Variants in KALRN observed in about 807,000 individuals in gnomAD.
KALRN encodes the protein kalirin.
A neutral mutation model predicts 353.7 loss-of-function variants in KALRN; 70 were observed. The observed-to-expected ratio is 0.20, with a 90% CI of 0.16 to 0.24. The LOEUF is 0.24. KALRN is among the 10% of genes least tolerant of loss of function. KALRN has a pLI of 1.00. For synonymous variants in KALRN, 1,391 were observed against 1,434.8 expected (o/e 0.97, Z 0.69); for missense variants, 2,791 against 3,756.7 (o/e 0.74, Z 6.72).
At chr3:124,258,149 C>T (rs904118567) in intron 3 of KALRN, among the ~76,000 whole-genome samples, 3 of 152,230 alleles carry the variant, frequency 2.0e-5, no homozygotes, top group African/African-American at 7.2e-5. Context: ...CAGACTCTGG[C>T]CACTGCTGGG....
chr3:124,058,688 G>A (rs2041761250), intron 1 of KALRN, among the ~76,000 whole-genome samples: 1 of 152,110 alleles, frequency 6.6e-6, no homozygotes, highest in South Asian at 2.1e-4. Context: ...TTTCTTACTA[G>A]AATTGATCCA....
At chr3:124,224,553 G>A (rs867394589) in intron 1 of KALRN, among the ~76,000 whole-genome samples, 1 of 152,082 alleles carries the variant, frequency 6.6e-6, no homozygotes, top group Non-Finnish European at 1.5e-5. Flanking sequence ...AATAACAATG[G>A]CAATGGAAGC....
intron 5 of KALRN, among the ~76,000 whole-genome samples, chr3:124,278,504 C>T (rs2075014010): frequency 7.0e-6 from 1 of 142,636 alleles, no homozygotes; most frequent in African/African-American, 2.6e-5. Context: ...AGGGCAGTAA[C>T]TGAGAAAAGT....
At chr3:124,680,067 G>T (rs17307881) in intron 51 of KALRN, among the ~76,000 whole-genome samples, 7,325 of 152,334 alleles carry the variant, frequency 0.048, 266 homozygotes, top group Non-Finnish European at 0.071. Context: ...AGCAAATAAG[G>T]TGTAATTGTA....
At chr3:124,605,584 AAAAG>A (rs2077256874) in intron 34 of KALRN, among the ~76,000 whole-genome samples, 1 of 132,156 alleles carries the variant, frequency 7.6e-6, no homozygotes. Context: ...AAAAAAAAAA[AAAAG>A]AGAGAGAGAG....
At chr3:124,414,732 C>G (rs2092398592) in intron 14 of KALRN, among the ~76,000 whole-genome samples, 1 of 152,132 alleles carries the variant, frequency 6.6e-6, no homozygotes, top group African/African-American at 2.4e-5. Context: ...TGCTAGAGCC[C>G]AGATCTCTAC....
intron 1 of KALRN, among the ~76,000 whole-genome samples, chr3:124,225,668 AG>A (rs2078399860): frequency 6.6e-6 from 1 of 152,196 alleles, no homozygotes; most frequent in Admixed American, 6.5e-5. Flanking sequence ...TGAGACTTGG[AG>A]CTTCCTCTTC....
intron 57 of KALRN, among the ~76,000 whole-genome samples, chr3:124,707,164 C>A (rs2062662075): frequency 6.6e-6 from 1 of 151,696 alleles, no homozygotes; most frequent in Non-Finnish European, 1.5e-5. Flanking sequence ...CATGGCGAGA[C>A]TTCATCTCTA....
intron 1 of KALRN, among the ~76,000 whole-genome samples, chr3:124,207,362 T>C (rs933378226): frequency 6.6e-6 from 1 of 152,182 alleles, no homozygotes; most frequent in Non-Finnish European, 1.5e-5. Context: ...TTGCTAATTA[T>C]AGGGCTCAGC....
chr3:124,656,333 G>A (rs571827596), intron 39 of KALRN, among the ~76,000 whole-genome samples: 94 of 152,284 alleles, frequency 6.2e-4, no homozygotes, highest in African/African-American at 2.2e-3. Flanking sequence ...GTTCTCGGCC[G>A]GGTGCGGTGG....
chr3:124,240,622 C>T (rs1412424140), intron 3 of KALRN, among the ~76,000 whole-genome samples: 2 of 152,150 alleles, frequency 1.3e-5, no homozygotes, highest in Non-Finnish European at 2.9e-5. Flanking sequence ...TCTCTCATCT[C>T]CTGTCATCAT....
chr3:124,118,489 T>A (rs2063668989), intron 1 of KALRN, among the ~76,000 whole-genome samples: 1 of 152,114 alleles, frequency 6.6e-6, no homozygotes, highest in Admixed American at 6.5e-5. Flanking sequence ...AAAGTACAAC[T>A]TTCCAGCCCC....
intron 1 of KALRN, among the ~76,000 whole-genome samples, chr3:124,064,764 G>T (rs566632435): frequency 6.6e-6 from 1 of 152,278 alleles, no homozygotes; most frequent in Admixed American, 6.5e-5. Context: ...TCTGCATCTG[G>T]AATGGCACAG....
At chr3:124,547,002 G>C (rs1429746573) in intron 33 of KALRN, among the ~76,000 whole-genome samples, 1 of 152,170 alleles carries the variant, frequency 6.6e-6, no homozygotes, top group Non-Finnish European at 1.5e-5. Context: ...CAAAGAACTT[G>C]AAGTCAGCCT....
intron 10 of KALRN, among the ~76,000 whole-genome samples, chr3:124,369,232 T>C (rs1576363023): frequency 6.6e-6 from 1 of 152,238 alleles, no homozygotes; most frequent in African/African-American, 2.4e-5. Context: ...CTAAATGCAC[T>C]CACATTTTTA....
chr3:124,640,286 C>CTTTT (rs71777187), intron 37 of KALRN, among the ~76,000 whole-genome samples: 68 of 127,432 alleles, frequency 5.3e-4, no homozygotes, highest in East Asian at 9.3e-4. Flanking sequence ...TTCTTTCTTT[C>CTTTT]TTTTTTTTTT....
intron 1 of KALRN, among the ~76,000 whole-genome samples, chr3:124,118,468 T>A (rs1401407071): frequency 6.6e-6 from 1 of 151,572 alleles, no homozygotes; most frequent in Non-Finnish European, 1.5e-5. Flanking sequence ...GATATACATG[T>A]GAACATTTAA....
intron 2 of KALRN, among the ~76,000 whole-genome samples, chr3:124,231,885 A>T (rs1005389531): frequency 6.6e-6 from 1 of 152,148 alleles, no homozygotes; most frequent in African/African-American, 2.4e-5. Context: ...TTCAGCATCT[A>T]TGTCAATTAT....
chr3:124,232,207 A>G (rs1579753132), intron 2 of KALRN, among the ~76,000 whole-genome samples: 1 of 152,278 alleles, frequency 6.6e-6, no homozygotes, highest in Middle Eastern at 3.4e-3. Flanking sequence ...GGAGCCTGGC[A>G]CAGATACTGT....
Sources: gnomAD v4.1 joint callset for allele counts (sites outside exome capture counted in the v4.1 genomes callset) on GRCh38, gnomAD v4.1.1 for gene constraint, MANE v1.5 for transcripts, NCBI Gene and HGNC (gene_info 2026-07-23, HGNC 2026-07-21) for gene names.